TESK2: variants seen among roughly 807,000 people sequenced by gnomAD.
The protein encoded by TESK2 is dual specificity testis-specific protein kinase 2.
A neutral mutation model predicts 57.1 loss-of-function variants in TESK2; 39 were observed. The ratio of observed to expected loss-of-function variants is 0.68; its 90% CI spans 0.53 to 0.89. The LOEUF (loss-of-function observed/expected upper bound fraction) is 0.89. Among genes scored for constraint, TESK2 ranks in the 40% least tolerant of loss-of-function variants. The pLI is 0.00. For synonymous variants in TESK2, 249 were observed against 267.9 expected (o/e 0.93, Z 0.69); for missense variants, 646 against 732.1 (o/e 0.88, Z 1.36).
At position 45,438,750 on chromosome 1, in the gene TESK2, T is replaced by C. The variant is rs78208830; in HGVS notation, c.223-16904A>G. ...TCTATGTGTCCATGTGTTCTCACCA[T>C]TTAGCCCCCACTTATAAGTGAGAAT... is the stretch of plus-strand genomic sequence containing the variant. On this transcript the variant is annotated intron_variant, in intron 2 of 10. Coordinates refer to ENST00000372086, the MANE Select transcript of TESK2 (RefSeq NM_007170.3). Among the ~76,000 whole-genome samples, 84 of 152,270 alleles carry C rather than the reference T, an allele frequency of 5.5e-4. No homozygotes were observed. The East Asian group carries it at 0.013, about 23-fold the overall frequency.
intron 4 of TESK2, among the ~76,000 whole-genome samples, chr1:45,357,763 T>C (rs1557541743): frequency 6.6e-6 from 1 of 151,654 alleles, no homozygotes; most frequent in East Asian, 1.9e-4. Context: ...CCCAGCACTT[T>C]GGGAGGCCAA....
chr1:45,397,601 T>C (rs1649419694), intron 3 of TESK2, among the ~76,000 whole-genome samples: 1 of 152,188 alleles, frequency 6.6e-6, no homozygotes. Context: ...TTTTGCATTT[T>C]ATAAAATTCT....
intron 2 of TESK2, among the ~76,000 whole-genome samples, chr1:45,445,589 C>T (rs1557576722): frequency 2.7e-5 from 4 of 147,388 alleles, no homozygotes; most frequent in Non-Finnish European, 5.9e-5. Context: ...GAATTCAAGA[C>T]CAGCCTGGGC....
chr1:45,365,710 A>C (rs1315992781), intron 4 of TESK2, among the ~76,000 whole-genome samples: 7 of 103,794 alleles, frequency 6.7e-5, no homozygotes, highest in East Asian at 5.3e-4. Context: ...ACAGAGTCTC[A>C]CTCTGTTGCC....
chr1:45,440,906 T>C (rs1651421130), intron 2 of TESK2, among the ~76,000 whole-genome samples: 1 of 152,094 alleles, frequency 6.6e-6, no homozygotes, highest in Non-Finnish European at 1.5e-5. Context: ...CTTGAGGCCC[T>C]CAGTTCAGTG....
chr1:45,369,367 G>C (rs1025126100), intron 4 of TESK2, among the ~76,000 whole-genome samples: 2 of 151,956 alleles, frequency 1.3e-5, no homozygotes, highest in Non-Finnish European at 2.9e-5. Context: ...TGGGCATGGT[G>C]GTGGGCACCT....
intron 3 of TESK2, among the ~76,000 whole-genome samples, chr1:45,419,293 G>T (rs578187064): frequency 6.6e-6 from 1 of 152,234 alleles, no homozygotes; most frequent in Non-Finnish European, 1.5e-5. Context: ...ACTCTTCAAA[G>T]TTAATATGAC....
intron 3 of TESK2, among the ~76,000 whole-genome samples, chr1:45,393,339 G>A (rs186120519): frequency 2.0e-5 from 3 of 152,066 alleles, no homozygotes; most frequent in Non-Finnish European, 2.9e-5. Context: ...CTACTTCTAC[G>A]TGCAACTTTA....
At chr1:45,358,629 ACTTT>A (rs544630759) in intron 4 of TESK2, among the ~76,000 whole-genome samples, 1 of 152,048 alleles carries the variant, frequency 6.6e-6, no homozygotes, top group South Asian at 2.1e-4. Flanking sequence ...GTACACTGGT[ACTTT>A]TTTTCCTTTT....
intron 3 of TESK2, among the ~76,000 whole-genome samples, chr1:45,410,794 T>C (rs1008871905): frequency 1.3e-5 from 2 of 152,002 alleles, no homozygotes; most frequent in Non-Finnish European, 2.9e-5. Context: ...ACATACATGG[T>C]CTCACTATAT....
intron 1 of TESK2, among the ~76,000 whole-genome samples, chr1:45,469,975 C>A (rs187894638): frequency 1.6e-4 from 24 of 152,222 alleles, no homozygotes; most frequent in African/African-American, 5.8e-4. Context: ...AGCCAGCAAT[C>A]AAAAATTGTC....
intron 4 of TESK2, among the ~76,000 whole-genome samples, chr1:45,365,772 G>A (rs545177476): frequency 3.4e-5 from 5 of 145,012 alleles, no homozygotes; most frequent in Non-Finnish European, 7.5e-5. Flanking sequence ...TCTGCCTCCC[G>A]GGTTCAAGCA....
chr1:45,443,986 T>C (rs1281946649), intron 2 of TESK2, among the ~76,000 whole-genome samples: 4 of 152,136 alleles, frequency 2.6e-5, no homozygotes, highest in East Asian at 3.9e-4. Context: ...GACACCAGCC[T>C]AGGCAACATA....
chr1:45,404,670 AG>A (rs1283194201), intron 3 of TESK2, among the ~76,000 whole-genome samples: 2 of 151,644 alleles, frequency 1.3e-5, no homozygotes, highest in Admixed American at 6.6e-5. Flanking sequence ...CAGCCTCCCG[AG>A]TAGCTGGGAT....
chr1:45,415,292 G>T (rs1240970156), intron 3 of TESK2: 2 of 1,281,014 alleles, frequency 1.6e-6, no homozygotes, highest in Non-Finnish European at 2.3e-6. Context: ...TTTGGGTCTG[G>T]GAATGGCAAG....
intron 2 of TESK2, among the ~76,000 whole-genome samples, chr1:45,442,596 T>C (rs1242666096): frequency 6.6e-6 from 1 of 152,218 alleles, no homozygotes; most frequent in Non-Finnish European, 1.5e-5. Context: ...CACTCTTAAT[T>C]TGAAACATTA....
intron 1 of TESK2, among the ~76,000 whole-genome samples, chr1:45,464,965 G>A (rs1008659169): frequency 2.6e-5 from 4 of 151,474 alleles, no homozygotes; most frequent in Non-Finnish European, 5.9e-5. Context: ...GGCCAGACAC[G>A]GTGGCTCACA....
intron 2 of TESK2, among the ~76,000 whole-genome samples, chr1:45,439,990 C>T (rs1300838296): frequency 3.4e-5 from 5 of 148,766 alleles, no homozygotes; most frequent in African/African-American, 9.9e-5. Context: ...GACAGAGTAT[C>T]GCTAGGTCAC....
chr1:45,376,713 G>A (rs1224137118), intron 4 of TESK2, among the ~76,000 whole-genome samples: 2 of 152,124 alleles, frequency 1.3e-5, no homozygotes, highest in African/African-American at 4.8e-5. Flanking sequence ...ACAGCTTGGA[G>A]AGAAGAGAGA....
Sources: gnomAD v4.1 joint callset for allele counts (sites outside exome capture counted in the v4.1 genomes callset) on GRCh38, gnomAD v4.1.1 for gene constraint, MANE v1.5 for transcripts, NCBI Gene and HGNC (gene_info 2026-07-23, HGNC 2026-07-21) for gene names.